ASS1: variants seen among roughly 807,000 people sequenced by gnomAD.
ASS1 encodes the protein argininosuccinate synthase.
Under a neutral mutation model 60.5 loss-of-function variants are expected in ASS1, and 58 were observed. The observed-to-expected ratio is 0.96, with a 90% CI of 0.78 to 1.19. ASS1 has a LOEUF of 1.19. Ranked by LOEUF, ASS1 falls within the 50% of genes most tolerant of loss-of-function variation. The probability of loss-of-function intolerance (pLI) is 0.00; values close to 1 mark genes in which losing one functional copy is unlikely to be tolerated. For missense variants in ASS1, 454 were observed against 547.3 expected (o/e 0.83, Z 1.70); for synonymous variants, 200 against 206.9 (o/e 0.97, Z 0.29).
chr9:130,473,309 T>G (rs1454683523), intron 8 of ASS1, among the ~76,000 whole-genome samples: 1 of 152,178 alleles, frequency 6.6e-6, no homozygotes, highest in East Asian at 1.9e-4. Context: ...GCTTGGCCTG[T>G]CTCAGGGCAA....
chr9:130,493,311 G>A (rs1846496804), intron 12 of ASS1, among the ~76,000 whole-genome samples: 1 of 152,216 alleles, frequency 6.6e-6, no homozygotes, highest in Non-Finnish European at 1.5e-5. Flanking sequence ...AACTGCAAAT[G>A]CAAAACGCTT....
rs763804754 is a variant in ASS1 at position 130,491,529 on chromosome 9, C to T, written c.970+2065C>T. ...TGGCTGGTGATGGGCAGCTTTGAGC[C>T]GGGGACAGGCCAGCTGTAGCGGCCA... On this transcript the variant is annotated intron_variant, in intron 12 of 14. Coordinates refer to ENST00000352480, the MANE Select transcript of ASS1 (RefSeq NM_054012.4). This position sits in a 1 kb window ranked among gnomAD's most constrained non-coding sequence, Gnocchi z 5.3. 3.3e-5 allele frequency among the ~76,000 whole-genome samples: 5 copies of T among 152,186 alleles called. No homozygotes were observed. Among genetic ancestry groups the T allele is most frequent in the African/African-American group, 4.8e-5 (2 of 41,434 alleles).
At chr9:130,493,739 C>T (rs1846512016) in intron 12 of ASS1, among the ~76,000 whole-genome samples, 1 of 151,994 alleles carries the variant, frequency 6.6e-6, no homozygotes, top group Non-Finnish European at 1.5e-5. Context: ...CTGTCCCTCC[C>T]CCCGCCATGG....
rs1410381190 is a variant in ASS1 at position 130,470,025 on chromosome 9, C to T, written c.496-809C>T. On this transcript the variant is annotated intron_variant, in intron 6 of 14. Coordinates refer to ENST00000352480, the MANE Select transcript of ASS1 (RefSeq NM_054012.4). The surrounding 1 kb of genome is among the most constrained non-coding windows in gnomAD (Gnocchi z 4.3). ...GGCCAGGAGAGCAGTGCCAGGTGTCCGAGTGCAGGAGGAGGCTGGAGTGCA... is the reference window on the plus strand; with the variant it reads ...GGCCAGGAGAGCAGTGCCAGGTGTCTGAGTGCAGGAGGAGGCTGGAGTGCA... Among the ~76,000 whole-genome samples the T allele has an allele frequency of 6.6e-6, 1 of 152,156 alleles. No homozygotes were observed.
rs1012351973 is a variant in ASS1 at position 130,484,829 on chromosome 9, ACG to A, written c.838+4381_838+4382del. 3.4e-4 allele frequency among the ~76,000 whole-genome samples: 47 copies of A among 138,580 alleles called. 1 individual carries two copies. The highest frequency in any genetic ancestry group is 1.3e-4 in the Non-Finnish European group (8 of 63,000). 90.9% of individuals were successfully genotyped at this position (138,580 alleles called of 152,430 possible). A position where few individuals can be genotyped will look rare whatever the true frequency, so the allele number is the denominator to read the frequency against. On this transcript the variant is annotated intron_variant, in intron 11 of 14. Coordinates refer to ENST00000352480, the MANE Select transcript of ASS1 (RefSeq NM_054012.4). Reference sequence around the variant, plus strand: ...CACACACACACACACACACACACACACGTGCGCGCGCGCGCGTCGGCAGCAAC... The same window carrying A: ...CACACACACACACACACACACACACATGCGCGCGCGCGCGTCGGCAGCAAC...
At chr9:130,498,894 G>A (rs55927446) in intron 13 of ASS1, among the ~76,000 whole-genome samples, 15,464 of 152,202 alleles carry the variant, frequency 0.1, 886 homozygotes, top group Non-Finnish European at 0.11. Flanking sequence ...GGTAAAATCT[G>A]CTCTGCTGAG....
intron 11 of ASS1, among the ~76,000 whole-genome samples, chr9:130,480,770 G>C (rs1846152272): frequency 6.6e-6 from 1 of 152,332 alleles, no homozygotes; most frequent in African/African-American, 2.4e-5. Flanking sequence ...GGGGTGGGCA[G>C]GCCGGGTGTG....
chr9:130,494,739 C>G lies in ASS1; in HGVS notation c.971-128C>G. The G allele has an allele frequency of 8.1e-7, 1 of 1,241,646 alleles. No homozygotes were observed. Among genetic ancestry groups the G allele is most frequent in the Non-Finnish European group, 1.2e-6 (1 of 863,130 alleles). 76.9% of individuals were successfully genotyped at this position (1,241,646 alleles called of 1,614,324 possible). A position where few individuals can be genotyped will look rare whatever the true frequency, so the allele number is the denominator to read the frequency against. ...ACTGGCAAGCGCACATTGTGCCAGT[C>G]TCGCGGGAGGCAGTCATGGTCTGCA... On this transcript the variant is annotated intron_variant, in intron 12 of 14. Transcript: ENST00000352480. The surrounding 1 kb of genome is among the most constrained non-coding windows in gnomAD (Gnocchi z 4.3).
intron 13 of ASS1, among the ~76,000 whole-genome samples, chr9:130,496,619 G>C (rs979791897): frequency 6.9e-6 from 1 of 144,874 alleles, no homozygotes; most frequent in African/African-American, 2.6e-5. Flanking sequence ...AAAAAAAAAG[G>C]AAACACAACT....
intron 8 of ASS1, among the ~76,000 whole-genome samples, chr9:130,472,593 T>A (rs1324587472): frequency 6.6e-6 from 1 of 152,160 alleles, no homozygotes; most frequent in Non-Finnish European, 1.5e-5. Flanking sequence ...GCTCCCCTAC[T>A]GCCCACGGCC....
At chr9:130,445,651 C>T (rs1186923314) in intron 1 of ASS1, among the ~76,000 whole-genome samples, 4 of 152,148 alleles carry the variant, frequency 2.6e-5, no homozygotes, top group Admixed American at 6.5e-5. Flanking sequence ...AGGGGCAGTG[C>T]CAGGAATATT....
At chr9:130,447,927 TAC>T (rs1391968126) in intron 1 of ASS1, among the ~76,000 whole-genome samples, 1 of 152,060 alleles carries the variant, frequency 6.6e-6, no homozygotes, top group Non-Finnish European at 1.5e-5. Context: ...ACCCAATCCT[TAC>T]AGTCGCCCTG....
At position 130,471,534 on chromosome 9, in the gene ASS1, T is replaced by A; in HGVS notation, c.597+19T>A. On this transcript the variant is annotated intron_variant, in intron 8 of 14. Coordinates refer to ENST00000352480, the MANE Select transcript of ASS1 (RefSeq NM_054012.4). ...CCCCAAGGTAATCCCCCAAACCCCA[T>A]CTCCTCCCAGCTGGCCACCTTTGGT... is the stretch of plus-strand genomic sequence containing the variant. The A allele has an allele frequency of 2.5e-6, 4 of 1,611,872 alleles. No homozygotes were observed. Among genetic ancestry groups the A allele is most frequent in the Non-Finnish European group, 2.5e-6 (3 of 1,178,088 alleles).
At chr9:130,481,070 C>T (rs1301995460) in intron 11 of ASS1, among the ~76,000 whole-genome samples, 2 of 152,148 alleles carry the variant, frequency 1.3e-5, no homozygotes, top group Non-Finnish European at 2.9e-5. Flanking sequence ...CCGCCTGTGG[C>T]TGGGCCCAGG....
chr9:130,484,650 G>A (rs982607490), intron 11 of ASS1, among the ~76,000 whole-genome samples: 13 of 151,958 alleles, frequency 8.6e-5, no homozygotes, highest in East Asian at 7.7e-4. Flanking sequence ...TTCTCTCTGC[G>A]CAGTGGTTTG....
intron 4 of ASS1, among the ~76,000 whole-genome samples, chr9:130,462,882 G>A (rs536338232): frequency 1.4e-4 from 22 of 152,324 alleles, no homozygotes; most frequent in African/African-American, 4.6e-4. Context: ...TAGGATGAGC[G>A]AGTTTGCTGT....
At chr9:130,490,345 C>T (rs1372472808) in intron 12 of ASS1, among the ~76,000 whole-genome samples, 1 of 151,936 alleles carries the variant, frequency 6.6e-6, no homozygotes, top group Non-Finnish European at 1.5e-5. Context: ...CGGACTTTCG[C>T]TCTTGTTGCC....
chr9:130,445,472 C>T (rs898570422), intron 1 of ASS1, among the ~76,000 whole-genome samples: 3 of 152,224 alleles, frequency 2.0e-5, no homozygotes, highest in African/African-American at 7.2e-5. Context: ...TCCAGCCCCT[C>T]TGGGGCTTGG....
At chr9:130,490,864 C>T (rs1022526437) in intron 12 of ASS1, among the ~76,000 whole-genome samples, 1 of 152,116 alleles carries the variant, frequency 6.6e-6, no homozygotes, top group South Asian at 2.1e-4. Flanking sequence ...ATACACATAG[C>T]CCTGATTTGG....
Sources: allele counts gnomAD v4.1 joint callset (sites outside exome capture counted in the v4.1 genomes callset), GRCh38; gene constraint gnomAD v4.1.1; non-coding constraint Gnocchi (gnomAD v3.1); transcripts MANE v1.5; gene names NCBI Gene and HGNC (gene_info 2026-07-23, HGNC 2026-07-21).